The following ATAD2B variants were observed in gnomAD, a reference collection of about 807,000 sequenced individuals.
ATAD2B encodes the protein ATPase family AAA domain-containing protein 2B.
ATAD2B carries 40 observed loss-of-function variants against 167.6 expected under a neutral mutation model. That is an observed-to-expected ratio of 0.24 (90% CI 0.19 to 0.31). The LOEUF (loss-of-function observed/expected upper bound fraction) is 0.31, where lower values mean the gene tolerates loss of function less well. Ranked by LOEUF, ATAD2B falls within the 10% of genes least tolerant of loss-of-function variation. The pLI, the probability that ATAD2B is intolerant of heterozygous loss-of-function variation, is 1.00. For missense variants in ATAD2B, 1,242 were observed against 1,757.2 expected (o/e 0.71, Z 5.24); for synonymous variants, 579 against 596.5 (o/e 0.97, Z 0.43).
chr2:23,850,613 A>G (rs1167460526), intron 13 of ATAD2B, among the ~76,000 whole-genome samples: 1 of 152,184 alleles, frequency 6.6e-6, no homozygotes, highest in African/African-American at 2.4e-5. Flanking sequence ...AAAATTATGG[A>G]GATAGTAAAA....
intron 22 of ATAD2B, among the ~76,000 whole-genome samples, chr2:23,774,886 G>C (rs531443909): frequency 1.3e-5 from 2 of 152,152 alleles, no homozygotes; most frequent in South Asian, 4.2e-4. Context: ...GGCAACAAGA[G>C]CAAAACCCTG....
chr2:23,883,382 T>A (rs2150237425), intron 6 of ATAD2B, among the ~76,000 whole-genome samples: 1 of 150,572 alleles, frequency 6.6e-6, no homozygotes, highest in African/African-American at 2.4e-5. Context: ...TAGAGAAAAA[T>A]CAACAAATAC....
At chr2:23,905,322 AGCCTGGCC>A (rs1701342736) in intron 1 of ATAD2B, among the ~76,000 whole-genome samples, 1 of 152,194 alleles carries the variant, frequency 6.6e-6, no homozygotes, top group Non-Finnish European at 1.5e-5. Context: ...GTTCAAGAAC[AGCCTGGCC>A]AACAAAGGAG....
the ATAD2B span, among the ~76,000 whole-genome samples, chr2:23,741,505 G>C: frequency 2.4e-4 from 37 of 152,056 alleles, no homozygotes; most frequent in African/African-American, 3.9e-4. Context: ...GCCATATGTA[G>C]AAAGCTGAAA....
Position 23,926,606 on chromosome 2 carries a change from G to T in ATAD2B, c.165C>A (p.Ala55=). Residue 55 remains alanine (A), a synonymous_variant, in exon 1 of 28, where the codon GCC becomes GCA. Transcript: ENST00000238789. ...SSKTRAASCP[A]AKAGGSGGAG... is the part of the protein sequence containing the mutation. ...CGCCACCGCTTCCCCCGGCTTTGGC[G>T]GCGGGGCAGCTGGCGGCGCGGGTCT... 6.4e-7 allele frequency: 1 copy of T among 1,564,042 alleles called. No individual in the cohort carries two copies. The highest frequency in any genetic ancestry group is 1.2e-5 in the South Asian group (1 of 85,114).
chr2:23,739,314 A>C, the ATAD2B span, among the ~76,000 whole-genome samples: 2 of 152,198 alleles, frequency 1.3e-5, no homozygotes, highest in African/African-American at 4.8e-5. Context: ...AGCACTCCTC[A>C]GCAAATGTAA....
At chr2:23,696,622 C>T in the ATAD2B span, 2 of 865,870 alleles carry the variant, frequency 2.3e-6, no homozygotes, top group Non-Finnish European at 3.5e-6. This position sits in a 1 kb window ranked among gnomAD's most constrained non-coding sequence, Gnocchi z 5.5. Context: ...GGAGCAGAGC[C>T]TGGACCATTC....
chr2:23,894,066 T>C (rs931282980), intron 2 of ATAD2B, among the ~76,000 whole-genome samples: 5 of 152,208 alleles, frequency 3.3e-5, no homozygotes, highest in African/African-American at 1.2e-4. Context: ...TTACTCAAAA[T>C]GCATCTAGGA....
chr2:23,899,303 CAAAA>C (rs556774553), intron 1 of ATAD2B, among the ~76,000 whole-genome samples: 5 of 67,384 alleles, frequency 7.4e-5, no homozygotes, highest in Admixed American at 1.7e-4. Context: ...GACCCCATCT[CAAAA>C]AAAAAAAAAA....
chr2:23,699,526 C>A, the ATAD2B span, among the ~76,000 whole-genome samples: 1 of 152,228 alleles, frequency 6.6e-6, no homozygotes, highest in South Asian at 2.1e-4. Context: ...AGTGACCTGG[C>A]CAGGCTGCTG....
the ATAD2B span, chr2:23,684,662 TCTCCTC>T: frequency 1.8e-3 from 954 of 536,878 alleles, no homozygotes; most frequent in Middle Eastern, 4.2e-3. This position sits in a 1 kb window ranked among gnomAD's most constrained non-coding sequence, Gnocchi z 4.4. Flanking sequence ...AGTAGCCATC[TCTCCTC>T]CTCCTCCTCC....
chr2:23,913,271 AC>A (rs905257120), intron 1 of ATAD2B, among the ~76,000 whole-genome samples: 3 of 152,318 alleles, frequency 2.0e-5, no homozygotes, highest in African/African-American at 4.8e-5. Flanking sequence ...ATGCTGTTAG[AC>A]AGGCTAACAA....
chr2:23,706,222 G>T, the ATAD2B span, among the ~76,000 whole-genome samples: 10 of 152,216 alleles, frequency 6.6e-5, no homozygotes, highest in Non-Finnish European at 1.3e-4. Flanking sequence ...CCTAGCCATG[G>T]TTAGTCACTC....
At chr2:23,689,090 G>A in the ATAD2B span, 1 of 152,368 alleles carries the variant, frequency 6.6e-6, no homozygotes, top group Admixed American at 6.5e-5. Flanking sequence ...GTTGGTAAGA[G>A]GCACAGCCCT....
intron 1 of ATAD2B, among the ~76,000 whole-genome samples, chr2:23,909,508 TACAC>T (rs899490893): frequency 7.9e-5 from 12 of 151,826 alleles, no homozygotes; most frequent in Admixed American, 4.6e-4. Context: ...ATATTATACA[TACAC>T]ACACATTGCA....
At chr2:23,796,858 G>A (rs887172772) in intron 19 of ATAD2B, among the ~76,000 whole-genome samples, 1 of 152,054 alleles carries the variant, frequency 6.6e-6, no homozygotes. Context: ...TGAAAATGAA[G>A]CAATTATACG....
At chr2:23,678,255 G>A in the ATAD2B span, among the ~76,000 whole-genome samples, 4 of 152,102 alleles carry the variant, frequency 2.6e-5, no homozygotes, top group African/African-American at 4.8e-5. Flanking sequence ...CCATTCCCTC[G>A]TGCCACTTGC....
At chr2:23,887,136 C>T (rs1182468404) in intron 4 of ATAD2B, among the ~76,000 whole-genome samples, 1 of 151,934 alleles carries the variant, frequency 6.6e-6, no homozygotes, top group South Asian at 2.1e-4. Context: ...TGGTGGCACG[C>T]GCCTATAGTC....
the ATAD2B span, among the ~76,000 whole-genome samples, chr2:23,681,465 A>C: frequency 6.6e-6 from 1 of 152,176 alleles, no homozygotes; most frequent in Non-Finnish European, 1.5e-5. This position sits in a 1 kb window ranked among gnomAD's most constrained non-coding sequence, Gnocchi z 4.2. Context: ...TCGATTTGAA[A>C]GGAAGGTCTT....
Sources: gnomAD v4.1 joint callset for allele counts (sites outside exome capture counted in the v4.1 genomes callset) on GRCh38, gnomAD v4.1.1 for gene constraint, Gnocchi (gnomAD v3.1) non-coding constraint, MANE v1.5 for transcripts, NCBI Gene and HGNC (gene_info 2026-07-23, HGNC 2026-07-21) for gene names.